The following PCDH20 variants were observed in gnomAD, a reference collection of about 807,000 sequenced individuals.
The protein encoded by PCDH20 is protocadherin 20.
A neutral mutation model predicts 39.7 loss-of-function variants in PCDH20; 18 were observed. That is an observed-to-expected ratio of 0.45 (90% CI 0.31 to 0.67). PCDH20 has a LOEUF of 0.67. PCDH20 is among the 30% of genes least tolerant of loss of function. PCDH20 has a pLI of 0.05. For synonymous variants in PCDH20, 495 were observed against 455.4 expected (o/e 1.09, Z -1.11); for missense variants, 1,161 against 1,167.4 (o/e 0.99, Z 0.08).
In PCDH20 at chr13:61,413,930, T is replaced by A. The variant is rs1188456393; in HGVS notation, c.169A>T (p.Ser57Cys). ...GCCCGGCTGTAACTCCCGAGGCAGC[T>A]GAAGGGTCCCACGAAGAGGAAAAAC... The change falls in exon 2 of 2, where the codon AGC (serine) becomes TGC (cysteine). Residue 57 changes from serine to cysteine, a missense_variant. By Grantham distance (112) the Ser-to-Cys change is moderately radical. Around this residue, in one of 3 missense-constraint regions of PCDH20, gnomAD observed 401 missense variants for 368.7 expected, o/e 1.09. Coordinates refer to ENST00000409204, the Ensembl canonical transcript of PCDH20. 5.6e-6 allele frequency: 9 copies of A among 1,612,292 alleles called. No individual in the cohort carries two copies. Among genetic ancestry groups the A allele is most frequent in the Non-Finnish European group, 5.9e-6 (7 of 1,179,014 alleles).
exon 2 of PCDH20, chr13:61,411,907 A>T: frequency 6.2e-7 from 1 of 1,614,190 alleles, no homozygotes; most frequent in South Asian, 1.1e-5. Context: ...ATCTAGAAGG[A>T]GAATTGTGAT....
At chr13:61,411,804 T>A (rs770110549) in exon 2 of PCDH20, 1 of 1,614,222 alleles carries the variant, frequency 6.2e-7, no homozygotes, top group South Asian at 1.1e-5. Flanking sequence ...CATAGACTTC[T>A]GTAACCGGGG....
Position 61,413,772 on chromosome 13 carries a change from G to A in PCDH20, c.327C>T (p.Thr109=), listed in dbSNP as rs200750496. The change falls in exon 2 of 2, where the codon ACC becomes ACT. Residue 109 remains threonine (T), a synonymous_variant. Coordinates refer to ENST00000409204, the Ensembl canonical transcript of PCDH20. ...AGAGAGGGGGGTTCCACTCAGCACC[G>A]GTGCGCTCTGGCAGCTGCGACTGCG... The A allele has an allele frequency of 5.0e-6, 8 of 1,613,588 alleles. No homozygotes were observed. The South Asian group carries it at 6.6e-5, about 13-fold the overall frequency.
At chr13:61,411,425 C>A in exon 2 of PCDH20, 1 of 1,614,080 alleles carries the variant, frequency 6.2e-7, no homozygotes, top group Non-Finnish European at 8.5e-7. Context: ...ACAGACAGAG[C>A]TACTAAGGTG....
rs1878246474 is a variant in PCDH20, at chr13:61,411,527, T to A, written c.2572A>T (p.Arg858Ter). 6.2e-7 allele frequency: 1 copy of A among 1,614,096 alleles called. No homozygotes were observed. The highest frequency in any genetic ancestry group is 8.5e-7 in the Non-Finnish European group (1 of 1,180,044). The change falls in exon 2 of 2, where the codon AGA becomes TGA. Residue 858 changes from arginine to a stop codon, truncating the protein, a stop_gained. Transcript: ENST00000409204. LOFTEE classifies it high-confidence loss of function. ...TCTATATTAATCTCTGGTTCTTTTC[T>A]TAAAAGACTCTCAATGTAACTCTCA...
Position 61,412,979 on chromosome 13 carries a change from C to T in PCDH20, c.1120G>A (p.Asp374Asn), listed in dbSNP as rs746407226. The T allele has an allele frequency of 3.7e-6, 6 of 1,614,024 alleles. No individual in the cohort carries two copies. In the African/African-American group the frequency reaches 5.3e-5, roughly 14 times the overall value. The change falls in exon 2 of 2, where the codon GAT becomes AAT. Residue 374 changes from aspartate to asparagine, a missense_variant. Transcript: ENST00000409204. ...AGTTTAATGACTCCAGTGTTTTCAT[C>T]CAGGTGAAATAAATCCTTAGATGCT...
exon 2 of PCDH20, chr13:61,411,956 C>T (rs1418305310): frequency 3.7e-6 from 6 of 1,614,182 alleles, no homozygotes; most frequent in Admixed American, 1.7e-5. Flanking sequence ...CCCCCATCAA[C>T]AGCTTCAACC....
At chr13:61,414,030 A>G in intron 1 of PCDH20, 64 bp from the exon 2 acceptor site, 3 of 1,388,944 alleles carry the variant, frequency 2.2e-6, no homozygotes, top group Non-Finnish European at 2.9e-6. Flanking sequence ...CGAGAGAGAA[A>G]CTAGCGCCCC....
exon 2 of PCDH20, chr13:61,411,965 C>T: frequency 6.2e-7 from 1 of 1,614,140 alleles, no homozygotes; most frequent in Non-Finnish European, 8.5e-7. Flanking sequence ...ACAGCTTCAA[C>T]CCACAAAGTA....
At chr13:61,413,003 C>G in exon 2 of PCDH20, 1 of 1,614,150 alleles carries the variant, frequency 6.2e-7, no homozygotes, top group Non-Finnish European at 8.5e-7. Flanking sequence ...TCCTTAGATG[C>G]TTGTGGAACT....
chr13:61,413,264 C>T (rs1196796322), exon 2 of PCDH20: 2 of 1,614,150 alleles, frequency 1.2e-6, no homozygotes, highest in South Asian at 1.1e-5. Flanking sequence ...GTTTCCCTGT[C>T]CAAAGCACCC....
exon 2 of PCDH20, chr13:61,413,921 C>G: frequency 6.2e-7 from 1 of 1,612,946 alleles, no homozygotes; most frequent in Non-Finnish European, 8.5e-7. Context: ...CTGTAACTCC[C>G]GAGGCAGCTG....
exon 2 of PCDH20, chr13:61,413,598 G>A (rs1871465433): frequency 2.5e-6 from 4 of 1,614,058 alleles, no homozygotes; most frequent in African/African-American, 1.3e-5. Flanking sequence ...AGGAGGAGAT[G>A]GAAACGCTGC....
At chr13:61,410,050 T>G (rs567880577) in exon 2 of PCDH20, 2 of 152,232 alleles carry the variant, frequency 1.3e-5, no homozygotes, top group Admixed American at 1.3e-4. Flanking sequence ...AAATCACTGA[T>G]GAAATAGCTT....
At chr13:61,411,133 G>C in exon 2 of PCDH20, 5 of 905,536 alleles carry the variant, frequency 5.5e-6, no homozygotes, top group Non-Finnish European at 8.4e-6. Context: ...TATAGAACAA[G>C]TTATAAATTA....
At chr13:61,415,352 T>A in exon 1 of PCDH20, 1 of 572,766 alleles carries the variant, frequency 1.7e-6, no homozygotes, top group Non-Finnish European at 2.6e-6. Context: ...CGGACGCAGG[T>A]AACTCCATAC....
chr13:61,413,830 C>G (rs996027549), exon 2 of PCDH20: 2 of 1,612,776 alleles, frequency 1.2e-6, no homozygotes, highest in South Asian at 2.2e-5. Flanking sequence ...GGGCAGCAGC[C>G]GCAGGTCCTC....
exon 2 of PCDH20, chr13:61,411,733 C>A (rs1313503348): frequency 1.2e-6 from 2 of 1,614,164 alleles, no homozygotes; most frequent in Non-Finnish European, 1.7e-6. Context: ...AGGCCTAGGA[C>A]CTCTTCTCCC....
exon 2 of PCDH20, chr13:61,411,354 T>C (rs756208110): frequency 1.9e-6 from 3 of 1,614,166 alleles, no homozygotes; most frequent in Admixed American, 3.3e-5. Context: ...GCTTTTCCCC[T>C]TTCCTTAAAC....
Sources: allele counts gnomAD v4.1 joint callset, GRCh38; gene constraint gnomAD v4.1.1; regional missense constraint gnomAD v4.1.1; transcripts MANE v1.5; gene names NCBI Gene and HGNC (gene_info 2026-07-23, HGNC 2026-07-21).